ZC3H6: variants seen among roughly 807,000 people sequenced by gnomAD.
The protein encoded by ZC3H6 is zinc finger CCCH-type containing 6, also known as zinc finger CCCH domain-containing protein 6.
A neutral mutation model predicts 107.7 loss-of-function variants in ZC3H6; 40 were observed. The observed-to-expected ratio is 0.37, with a 90% CI of 0.29 to 0.48. The LOEUF (loss-of-function observed/expected upper bound fraction) is 0.48. Among genes scored for constraint, ZC3H6 ranks in the 20% least tolerant of loss-of-function variants. The probability of loss-of-function intolerance (pLI) is 0.98; values close to 1 mark genes in which losing one functional copy is unlikely to be tolerated. For missense variants in ZC3H6, 1,267 were observed against 1,410.4 expected (o/e 0.90, Z 1.63); for synonymous variants, 493 against 487.9 (o/e 1.01, Z -0.14).
chr2:112,278,217 A>G (rs184515931), intron 1 of ZC3H6, among the ~76,000 whole-genome samples: 3 of 152,374 alleles, frequency 2.0e-5, no homozygotes, highest in Middle Eastern at 3.4e-3. Context: ...TTTCCATATA[A>G]TAGCTATTTT....
Position 112,303,359 on chromosome 2 carries a change from C to A in ZC3H6, c.336+8C>A. The A allele has an allele frequency of 6.2e-7, 1 of 1,608,026 alleles. No individual in the cohort carries two copies. The highest frequency in any genetic ancestry group is 1.1e-5 in the South Asian group (1 of 90,270). On this transcript the variant is annotated splice_region_variant and intron_variant, in intron 3 of 11. Coordinates refer to ENST00000409871, the MANE Select transcript of ZC3H6 (RefSeq NM_198581.3). ...GACATTCCATTTACTCAGGTATTGCCATTTTTTTGTTTTGTGATAAAACAT... is the reference window on the plus strand; with the variant it reads ...GACATTCCATTTACTCAGGTATTGCAATTTTTTTGTTTTGTGATAAAACAT...
chr2:112,336,272 A>T lies in ZC3H6; in HGVS notation c.*3784A>T, dbSNP rs1677134656. 6.6e-6 allele frequency: 1 copy of T among 152,078 alleles called. No individual in the cohort carries two copies. Among genetic ancestry groups the T allele is most frequent in the Admixed American group, 6.6e-5 (1 of 15,260 alleles). The allele number at this position is 152,078 out of a possible 1,614,324, so 9.4% of individuals were successfully genotyped here. A position where few individuals can be genotyped will look rare whatever the true frequency, so the allele number is the denominator to read the frequency against. The stretch of plus-strand genomic sequence containing the variant: ...GAGATGTTTTCCCTGATGTTTTTGG[A>T]GGGTTGGACTGTGTTGAAGGCTGTA... On this transcript the variant is annotated 3_prime_UTR_variant, in exon 12 of 12. Coordinates refer to ENST00000409871, the MANE Select transcript of ZC3H6 (RefSeq NM_198581.3).
rs1350649861 is a variant in ZC3H6, at chr2:112,338,327, T to C, written c.*5839T>C. On this transcript the variant is annotated 3_prime_UTR_variant, in exon 12 of 12. Transcript: ENST00000409871. ...GCATTTAAAATTCCTTCTATCCTGA[T>C]ACCATGAACAGTAATTTTCCCTTTT... The C allele has an allele frequency of 6.6e-6, 1 of 152,234 alleles. No homozygotes were observed. The highest frequency in any genetic ancestry group is 1.5e-5 in the Non-Finnish European group (1 of 68,034). The allele number at this position is 152,234 out of a possible 1,614,324, so 9.4% of individuals were successfully genotyped here.
chr2:112,329,828 C>T (rs999916310), intron 11 of ZC3H6, among the ~76,000 whole-genome samples: 1 of 152,074 alleles, frequency 6.6e-6, no homozygotes, highest in Non-Finnish European at 1.5e-5. Flanking sequence ...ACAGTAGATA[C>T]CTTGTGGCCA....
intron 3 of ZC3H6, 141 bp from the exon 4 acceptor site, chr2:112,309,743 TA>T (rs1320918552): frequency 1.4e-6 from 1 of 722,586 alleles, no homozygotes; most frequent in African/African-American, 1.8e-5. Flanking sequence ...GTATCATAGA[TA>T]AGTACTGATC....
chr2:112,310,188 A>T lies in ZC3H6; in HGVS notation c.613+27A>T, dbSNP rs1392653592. The T allele has an allele frequency of 1.9e-6, 3 of 1,596,038 alleles. No homozygotes were observed. The South Asian group carries it at 3.4e-5, about 18-fold the overall frequency. On this transcript the variant is annotated intron_variant, in intron 4 of 11. Coordinates refer to ENST00000409871, the MANE Select transcript of ZC3H6 (RefSeq NM_198581.3). ...TAAGTTTGAAATTACAGTCTGTCTT[A>T]GAATGTGAGAACCTTATTAAAACAG... is the stretch of plus-strand genomic sequence containing the variant.
intron 5 of ZC3H6, chr2:112,312,331 T>C (rs1010710884): frequency 1.3e-5 from 2 of 158,588 alleles, no homozygotes; most frequent in African/African-American, 4.8e-5. Flanking sequence ...ATTAACTTCC[T>C]TTTTAGAGTT....
At chr2:112,330,345 G>A (rs554870226) in intron 11 of ZC3H6, among the ~76,000 whole-genome samples, 2 of 152,134 alleles carry the variant, frequency 1.3e-5, no homozygotes, top group Admixed American at 6.5e-5. Flanking sequence ...GAGCCACCAC[G>A]CCCAGCCAGT....
chr2:112,309,251 C>G (rs1263930944), intron 3 of ZC3H6, among the ~76,000 whole-genome samples: 1 of 152,046 alleles, frequency 6.6e-6, no homozygotes, highest in African/African-American at 2.4e-5. Flanking sequence ...TAATAAACTT[C>G]TAGTACTAAA....
chr2:112,316,562 C>T lies in ZC3H6; in HGVS notation c.840C>T (p.Tyr280=). The change falls in exon 6 of 12, where the codon TAC becomes TAT. Residue 280 remains tyrosine (Y), a synonymous_variant. Coordinates refer to ENST00000409871, the MANE Select transcript of ZC3H6 (RefSeq NM_198581.3). ...VEHKGKQICK[Y]FLEGRCIKGD... is the part of the protein sequence containing the mutation. ...ACAAAGGAAAACAAATCTGTAAATA[C>T]TTCCTGGAAGGGAGGTGTATTAAGG... 6.2e-7 allele frequency: 1 copy of T among 1,605,848 alleles called. No homozygotes were observed. The highest frequency in any genetic ancestry group is 8.5e-7 in the Non-Finnish European group (1 of 1,175,626).
At chr2:112,300,832 C>A (rs1015887543) in intron 2 of ZC3H6, among the ~76,000 whole-genome samples, 2 of 151,996 alleles carry the variant, frequency 1.3e-5, no homozygotes, top group Non-Finnish European at 2.9e-5. Flanking sequence ...AGAAGGGGAA[C>A]CTATGCTGAC....
chr2:112,326,966 AT>A (rs1676917277), intron 11 of ZC3H6, among the ~76,000 whole-genome samples: 1 of 152,194 alleles, frequency 6.6e-6, no homozygotes, highest in African/African-American at 2.4e-5. Flanking sequence ...ATTGTGAATA[AT>A]GCTGCAGTAA....
rs186747002 is a variant in ZC3H6 at position 112,339,992 on chromosome 2, C to G, written c.*7504C>G. The stretch of plus-strand genomic sequence containing the variant: ...TTTTCCAAGTTGCATACTGTTGTTG[C>G]AAGTTTCTGTAATTTTTTTCTGTAT... On this transcript the variant is annotated 3_prime_UTR_variant, in exon 12 of 12. Coordinates refer to ENST00000409871, the MANE Select transcript of ZC3H6 (RefSeq NM_198581.3). 4 of 152,280 alleles carry G rather than the reference C, an allele frequency of 2.6e-5. No individual in the cohort carries two copies. The highest frequency in any genetic ancestry group is 2.6e-4 in the Admixed American group (4 of 15,288). The allele number at this position is 152,280 out of a possible 1,614,324, so 9.4% of individuals were successfully genotyped here. A position where few individuals can be genotyped will look rare whatever the true frequency, so the allele number is the denominator to read the frequency against.
In ZC3H6 at chr2:112,333,105, A is replaced by G. The variant is rs1677068508; in HGVS notation, c.*617A>G. The stretch of plus-strand genomic sequence containing the variant: ...AAAGTATTTTATTGTATACTGTATC[A>G]TAGAAGTTGGAGGTATATAAATAGA... On this transcript the variant is annotated 3_prime_UTR_variant, in exon 12 of 12. Transcript: ENST00000409871. The G allele has an allele frequency of 6.6e-6, 1 of 152,620 alleles. No homozygotes were observed. Among genetic ancestry groups the G allele is most frequent in the Non-Finnish European group, 1.5e-5 (1 of 68,008 alleles). 9.5% of individuals were successfully genotyped at this position (152,620 alleles called of 1,614,324 possible). A position where few individuals can be genotyped will look rare whatever the true frequency, so the allele number is the denominator to read the frequency against.
Position 112,311,932 on chromosome 2 carries a change from C to A in ZC3H6, c.742C>A (p.Gln248Lys). 6.2e-7 allele frequency: 1 copy of A among 1,610,640 alleles called. No individual in the cohort carries two copies. Among genetic ancestry groups the A allele is most frequent in the Non-Finnish European group, 8.5e-7 (1 of 1,178,332 alleles). Reference sequence around the variant, plus strand: ...TGTGTTTTCAGTATCGGATGACTTTCAAGAGGTACTAAGAATTTATGTATA... The same window carrying A: ...TGTGTTTTCAGTATCGGATGACTTTAAAGAGGTACTAAGAATTTATGTATA... ...PNVFSVSDDF[Q>K]EYNKPGKKWK... The change falls in exon 5 of 12, where the codon CAA becomes AAA. Residue 248 changes from glutamine to lysine, a missense_variant. Physicochemically the swap from Gln to Lys is moderately conservative, Grantham distance 53. Coordinates refer to ENST00000409871, the MANE Select transcript of ZC3H6 (RefSeq NM_198581.3).
chr2:112,277,383 C>T (rs1686446185), intron 1 of ZC3H6, among the ~76,000 whole-genome samples: 4 of 151,754 alleles, frequency 2.6e-5, no homozygotes, highest in Admixed American at 2.6e-4. Flanking sequence ...CTAATGGAGC[C>T]TAAAATCCTT....
chr2:112,327,150 G>C (rs1370640549), intron 11 of ZC3H6, among the ~76,000 whole-genome samples: 1 of 152,096 alleles, frequency 6.6e-6, no homozygotes, highest in African/African-American at 2.4e-5. Context: ...GGTGTATGAA[G>C]GTTCTCTTTC....
chr2:112,321,506 A>G (rs1209481218), intron 7 of ZC3H6, among the ~76,000 whole-genome samples: 1 of 152,034 alleles, frequency 6.6e-6, no homozygotes, highest in Non-Finnish European at 1.5e-5. Flanking sequence ...AGTATAATAT[A>G]TAATAATACA....
intron 1 of ZC3H6, 31 bp downstream of exon 1, chr2:112,276,057 C>G: frequency 1.3e-6 from 2 of 1,536,578 alleles, no homozygotes; most frequent in Non-Finnish European, 8.8e-7. Flanking sequence ...GTCTTTCTGT[C>G]GGATGAGAGG....
Sources: gnomAD v4.1 joint callset for allele counts (sites outside exome capture counted in the v4.1 genomes callset) on GRCh38, gnomAD v4.1.1 for gene constraint, MANE v1.5 for transcripts, NCBI Gene and HGNC (gene_info 2026-07-23, HGNC 2026-07-21) for gene names.